NOP53: variants seen among roughly 807,000 people sequenced by gnomAD.
NOP53 encodes the protein ribosome biogenesis protein NOP53.
Under a neutral mutation model 61.0 loss-of-function variants are expected in NOP53, and 40 were observed. The ratio of observed to expected loss-of-function variants is 0.66; its 90% CI spans 0.51 to 0.85. The LOEUF is 0.85. NOP53 is among the 40% of genes least tolerant of loss of function. NOP53 has a pLI of 0.00. For synonymous variants in NOP53, 308 were observed against 289.5 expected (o/e 1.06, Z -0.65); for missense variants, 689 against 652.9 (o/e 1.06, Z -0.60).
intron 1 of NOP53, chr19:47,746,268 C>G (rs1967063905): frequency 6.5e-6 from 1 of 153,246 alleles, no homozygotes; most frequent in Non-Finnish European, 1.5e-5. Context: ...ACCGCAACCT[C>G]CGCCTCCCAG....
chr19:47,751,716 G>T lies in NOP53; in HGVS notation c.669+126G>T, dbSNP rs140478403. 5.2e-3 allele frequency: 3,886 copies of T among 753,654 alleles called. 23 individuals are homozygous for T. The highest frequency in any genetic ancestry group is 5.0e-3 in the Middle Eastern group (15 of 2,990). The allele number at this position is 753,654 out of a possible 1,614,324, so 46.7% of individuals were successfully genotyped here. A position where few individuals can be genotyped will look rare whatever the true frequency, so the allele number is the denominator to read the frequency against. On this transcript the variant is annotated intron_variant, in intron 5 of 12. Coordinates refer to ENST00000246802, the MANE Select transcript of NOP53 (RefSeq NM_015710.5). ...CCCAGTGGCCGAGAACTCTGTGCTGGAGCCAGGTGGCTGGGATTCCTGTCC... is the reference window on the plus strand; with the variant it reads ...CCCAGTGGCCGAGAACTCTGTGCTGTAGCCAGGTGGCTGGGATTCCTGTCC...
chr19:47,756,982 C>G lies in NOP53; in HGVS notation c.1431-17C>G. ...GCACCCTCTCACCCACCCTCAGCTC[C>G]TTTCCTCTGTCCCCAGGTTGTAGCT... On this transcript the variant is annotated splice_polypyrimidine_tract_variant and intron_variant, in intron 12 of 12. Coordinates refer to ENST00000246802, the MANE Select transcript of NOP53 (RefSeq NM_015710.5). The G allele has an allele frequency of 6.2e-7, 1 of 1,614,136 alleles. No homozygotes were observed. The highest frequency in any genetic ancestry group is 1.1e-5 in the South Asian group (1 of 91,078).
At position 47,754,528 on chromosome 19, in the gene NOP53, C is replaced by G. The variant is rs972911855; in HGVS notation, c.767C>G (p.Thr256Ser). ...CCCATCCTCACTCCCGCCCCTCAGA[C>G]CCTGCTCTCAGCGGCCCACGAGGTG... ...SYNPSFEDHQ[T>S]LLSAAHEVEL... The change falls in exon 7 of 13, where the codon ACC becomes AGC. Residue 256 changes from threonine to serine, a missense_variant and splice_region_variant. Physicochemically the swap from Thr to Ser is moderately conservative, Grantham distance 58. Coordinates refer to ENST00000246802, the MANE Select transcript of NOP53 (RefSeq NM_015710.5). The surrounding 1 kb of genome is among the most constrained non-coding windows in gnomAD (Gnocchi z 4.2). The G allele has an allele frequency of 6.5e-7, 1 of 1,549,206 alleles. No homozygotes were observed. The highest frequency in any genetic ancestry group is 8.7e-7 in the Non-Finnish European group (1 of 1,146,620).
At chr19:47,749,724 G>A in intron 2 of NOP53, among the ~76,000 whole-genome samples, 1 of 151,980 alleles carries the variant, frequency 6.6e-6, no homozygotes, top group African/African-American at 2.4e-5. Flanking sequence ...GGGCTTCAGT[G>A]TCAACTGATG....
Position 47,751,133 on chromosome 19 carries a change from A to C in NOP53, c.598+26A>C, listed in dbSNP as rs771207797. ...GTGAGTGATCCTGCTGTCACCTATG[A>C]ATGGGGACAGGACGGCCATGTGCAG... On this transcript the variant is annotated intron_variant, in intron 4 of 12. Transcript: ENST00000246802. 3.4e-5 allele frequency: 54 copies of C among 1,580,316 alleles called. 1 individual carries two copies. The South Asian group carries it at 3.5e-4, about 10-fold the overall frequency.
At chr19:47,752,748 A>C (rs1967140498) in intron 6 of NOP53, 141 bp downstream of exon 6, 1 of 621,160 alleles carries the variant, frequency 1.6e-6, no homozygotes, top group Admixed American at 2.5e-5. Context: ...GGTCCAGTGC[A>C]AGAGACCTGT....
intron 9 of NOP53, 108 bp downstream of exon 9, chr19:47,755,631 G>A (rs1283524275): frequency 7.5e-7 from 1 of 1,334,654 alleles, no homozygotes; most frequent in African/African-American, 1.5e-5. Flanking sequence ...CCCATCGGGA[G>A]ACCACCTCTT....
At position 47,745,682 on chromosome 19, in the gene NOP53, A is replaced by G. The variant is rs200112877; in HGVS notation, c.123A>G (p.Pro41=). 6.8e-6 allele frequency: 11 copies of G among 1,613,124 alleles called. No homozygotes were observed. The East Asian group carries it at 1.6e-4, about 23-fold the overall frequency. The part of the protein sequence containing the change: ...DPALRRRRRG[P]RNKKRGWRRL... ...CGCTGAGGCGGCGGCGGCGAGGCCC[A>G]AGAAATAAGAAGCGGGGCTGGCGGC... Residue 41 remains proline, a synonymous_variant, in exon 1 of 13, where the codon CCA becomes CCG. Transcript: ENST00000246802.
At chr19:47,752,694 C>G in intron 6 of NOP53, 87 bp downstream of exon 6, 1 of 848,430 alleles carries the variant, frequency 1.2e-6, no homozygotes, top group East Asian at 2.5e-5. Flanking sequence ...GCTGGGAACT[C>G]CAATGACCCA....
rs1401168030 is a variant in NOP53 at position 47,750,889 on chromosome 19, G to T, written c.399-19G>T. 6.4e-7 allele frequency: 1 copy of T among 1,564,910 alleles called. No individual in the cohort carries two copies. ...CTGCCACCTCACCTGCTGCACTTGTGCCCCCTCTCCCCGACCAGCGTCCTC... is the reference window on the plus strand; with the variant it reads ...CTGCCACCTCACCTGCTGCACTTGTTCCCCCTCTCCCCGACCAGCGTCCTC... On this transcript the variant is annotated intron_variant, in intron 3 of 12. Coordinates refer to ENST00000246802, the MANE Select transcript of NOP53 (RefSeq NM_015710.5).
intron 3 of NOP53, among the ~76,000 whole-genome samples, chr19:47,750,526 G>T (rs1465700868): frequency 6.6e-6 from 1 of 152,080 alleles, no homozygotes; most frequent in Non-Finnish European, 1.5e-5. Context: ...CTGAGTGGGA[G>T]GCGTGTTCAG....
intron 6 of NOP53, chr19:47,753,532 C>T (rs963408258): frequency 2.0e-5 from 3 of 151,740 alleles, no homozygotes; most frequent in African/African-American, 7.3e-5. Flanking sequence ...TGCAGGACCG[C>T]TTGTCCGAAT....
intron 10 of NOP53, chr19:47,756,273 G>T: frequency 1.8e-6 from 1 of 567,024 alleles, no homozygotes. Flanking sequence ...CTTTGCCCTC[G>T]CTGTCCCCTT....
At chr19:47,753,100 C>G (rs1336492943) in intron 6 of NOP53, 1 of 158,120 alleles carries the variant, frequency 6.3e-6, no homozygotes, top group African/African-American at 2.4e-5. Context: ...AGCCACTGTG[C>G]ATTTAGCGGG....
Position 47,750,949 on chromosome 19 carries a change from G to A in NOP53, c.440G>A (p.Arg147Gln), listed in dbSNP as rs778954710. The stretch of plus-strand genomic sequence containing the variant: ...GTCCCCAACGCCAAGAAGCTCAGGC[G>A]GAAGGAGCAGCTATGGGAGAAGCTG... ...HQVPNAKKLR[R>Q]KEQLWEKLAK... The change falls in exon 4 of 13, where the codon CGG becomes CAG. Residue 147 changes from arginine to glutamine, a missense_variant. Coordinates refer to ENST00000246802, the MANE Select transcript of NOP53 (RefSeq NM_015710.5). The A allele has an allele frequency of 9.4e-6, 15 of 1,598,504 alleles. No individual in the cohort carries two copies. The highest frequency in any genetic ancestry group is 7.0e-5 in the Admixed American group (4 of 57,116).
Position 47,755,411 on chromosome 19 carries a change from G to T in NOP53, c.1117G>T (p.Gly373Trp). The change falls in exon 9 of 13, where the codon GGG (glycine) becomes TGG (tryptophan). Residue 373 changes from glycine to tryptophan, a missense_variant. Transcript: ENST00000246802. ...GCACCAGGAGCTGTTCCGGCTGCGC[G>T]GGATCAAGGCCCAGGTGGCCCTGAG... ...LRHQELFRLR[G>W]IKAQVALRLA... is the part of the protein sequence containing the mutation. 3 of 1,534,092 alleles carry T rather than the reference G, an allele frequency of 2.0e-6. No individual in the cohort carries two copies. The highest frequency in any genetic ancestry group is 1.2e-5 in the South Asian group (1 of 83,272).
Position 47,752,593 on chromosome 19 carries a change from T to A in NOP53, c.751T>A (p.Phe251Ile). ...TGCCGGAGCTTCCTACAATCCATCC[T>A]TTGAAGACCACCAGGTACACTGCCC... is the stretch of plus-strand genomic sequence containing the variant. ...APAGASYNPSFEDHQTLLSAA... is the reference protein window; with the variant it reads ...APAGASYNPSIEDHQTLLSAA... The change falls in exon 6 of 13, where the codon TTT becomes ATT. Residue 251 changes from phenylalanine to isoleucine, a missense_variant. Transcript: ENST00000246802. The A allele has an allele frequency of 6.2e-7, 1 of 1,604,782 alleles. No individual in the cohort carries two copies. Among genetic ancestry groups the A allele is most frequent in the Non-Finnish European group, 8.5e-7 (1 of 1,172,056 alleles).
intron 6 of NOP53, 27 bp downstream of exon 6, chr19:47,752,634 C>G: frequency 7.5e-7 from 1 of 1,337,376 alleles, no homozygotes; most frequent in Non-Finnish European, 1.1e-6. Flanking sequence ...AGGCCTCCCT[C>G]CTCAGTGGGC....
Position 47,751,026 on chromosome 19 carries a change from C to G in NOP53, c.517C>G (p.Leu173Val). ...GGTGCGCAGGGCCCAGGCCCGGCTC[C>G]TCAACCCTTCTGCAACAAGGGCCAA... The part of the protein sequence containing the change: ...REVRRAQARL[L>V]NPSATRAKPG... Residue 173 changes from leucine to valine, a missense_variant, in exon 4 of 13, where the codon CTC becomes GTC. Leu to Val is a conservative substitution (Grantham distance 32, BLOSUM62 1). Coordinates refer to ENST00000246802, the MANE Select transcript of NOP53 (RefSeq NM_015710.5). 1 of 1,603,786 alleles carries G rather than the reference C, an allele frequency of 6.2e-7. No homozygotes were observed.
Sources: gnomAD v4.1 joint callset for allele counts (sites outside exome capture counted in the v4.1 genomes callset) on GRCh38, gnomAD v4.1.1 for gene constraint, Gnocchi (gnomAD v3.1) non-coding constraint, MANE v1.5 for transcripts, NCBI Gene and HGNC (gene_info 2026-07-23, HGNC 2026-07-21) for gene names.